Variants in CACNA2D2 observed in about 807,000 individuals in gnomAD.
CACNA2D2 encodes calcium voltage-gated channel auxiliary subunit alpha2delta 2.
A neutral mutation model predicts 166.4 loss-of-function variants in CACNA2D2; 48 were observed. The observed-to-expected ratio is 0.29, with a 90% CI of 0.23 to 0.37. CACNA2D2 has a LOEUF of 0.37. Ranked by LOEUF, CACNA2D2 falls within the 10% of genes least tolerant of loss-of-function variation. The probability of loss-of-function intolerance (pLI) is 1.00; values close to 1 mark genes in which losing one functional copy is unlikely to be tolerated. For missense variants in CACNA2D2, 1,122 were observed against 1,433.0 expected (o/e 0.78, Z 3.50); for synonymous variants, 561 against 573.7 (o/e 0.98, Z 0.32).
intron 2 of CACNA2D2, among the ~76,000 whole-genome samples, chr3:50,467,604 A>C (rs1709876506): frequency 6.6e-6 from 1 of 152,108 alleles, no homozygotes; most frequent in Admixed American, 6.5e-5. Context: ...CTGCCTCTCC[A>C]TCCAGACTGC....
At chr3:50,461,980 T>C (rs1158759099) in intron 2 of CACNA2D2, among the ~76,000 whole-genome samples, 1 of 152,096 alleles carries the variant, frequency 6.6e-6, no homozygotes, top group Non-Finnish European at 1.5e-5. Flanking sequence ...AGGACTTTCT[T>C]GGAAGGTAAA....
chr3:50,435,272 T>G (rs1029609551), intron 2 of CACNA2D2, among the ~76,000 whole-genome samples: 6 of 151,902 alleles, frequency 3.9e-5, no homozygotes, highest in Non-Finnish European at 5.9e-5. Flanking sequence ...GCAAGTGTCT[T>G]TGTTCACAGC....
At chr3:50,486,772 C>G (rs1350019534) in intron 1 of CACNA2D2, among the ~76,000 whole-genome samples, 2 of 152,216 alleles carry the variant, frequency 1.3e-5, no homozygotes, top group East Asian at 3.8e-4. Flanking sequence ...CATCATCAAG[C>G]TTCCTACAGA....
At chr3:50,466,539 C>T (rs1013786625) in intron 2 of CACNA2D2, among the ~76,000 whole-genome samples, 5 of 152,216 alleles carry the variant, frequency 3.3e-5, no homozygotes, top group African/African-American at 9.6e-5. Flanking sequence ...ATGTTACTTA[C>T]AGCACTGACG....
chr3:50,438,539 T>TG (rs761650894), intron 2 of CACNA2D2, among the ~76,000 whole-genome samples: 19 of 152,268 alleles, frequency 1.2e-4, no homozygotes, highest in Non-Finnish European at 2.1e-4. Flanking sequence ...CTTGCAGGAA[T>TG]GGTGACCTTG....
intron 6 of CACNA2D2, among the ~76,000 whole-genome samples, chr3:50,383,168 G>C (rs1308755577): frequency 6.6e-6 from 1 of 152,264 alleles, no homozygotes; most frequent in East Asian, 1.9e-4. Flanking sequence ...GTGCCTGCCT[G>C]TGATAGTGCC....
chr3:50,380,833 C>CT lies in CACNA2D2; in HGVS notation c.785-29dup. ...GAGGGAGGAGAGAAGGTGAGGGGGA[C>CT]TGGCAGGAAAGGGCTGGCCTGGGTA... On this transcript the variant is annotated intron_variant, in intron 7 of 37. Transcript: ENST00000424201. This position sits in a 1 kb window ranked among gnomAD's most constrained non-coding sequence, Gnocchi z 4.9. The CT allele has an allele frequency of 6.5e-7, 1 of 1,540,976 alleles. No individual in the cohort carries two copies. Among genetic ancestry groups the CT allele is most frequent in the African/African-American group, 1.4e-5 (1 of 72,566 alleles).
intron 3 of CACNA2D2, among the ~76,000 whole-genome samples, chr3:50,430,850 C>T (rs1485816818): frequency 2.0e-5 from 3 of 152,178 alleles, no homozygotes; most frequent in African/African-American, 4.8e-5. Flanking sequence ...AAGACAGGTA[C>T]CCCTCCATGT....
intron 2 of CACNA2D2, among the ~76,000 whole-genome samples, chr3:50,455,898 C>G (rs537411193): frequency 1.3e-5 from 2 of 152,170 alleles, no homozygotes; most frequent in African/African-American, 4.8e-5. Flanking sequence ...CATGCTCCCC[C>G]CATTCCTCTC....
intron 3 of CACNA2D2, among the ~76,000 whole-genome samples, chr3:50,397,124 G>A (rs1179333400): frequency 6.6e-6 from 1 of 152,194 alleles, no homozygotes; most frequent in Non-Finnish European, 1.5e-5. Flanking sequence ...CAGGGCAAGG[G>A]AGACCCAGGG....
intron 3 of CACNA2D2, among the ~76,000 whole-genome samples, chr3:50,409,071 T>C (rs1031309563): frequency 1.3e-5 from 2 of 152,130 alleles, no homozygotes; most frequent in Admixed American, 6.5e-5. Context: ...ACCCTTCTAG[T>C]GATGGATCCA....
At chr3:50,424,053 G>A (rs1240398472) in intron 3 of CACNA2D2, among the ~76,000 whole-genome samples, 4 of 152,254 alleles carry the variant, frequency 2.6e-5, no homozygotes, top group East Asian at 3.8e-4. Context: ...AGATCTGTGC[G>A]GCCATACCTG....
In CACNA2D2 at chr3:50,365,375, C is replaced by A. The variant is rs587631845; in HGVS notation, c.3079G>T (p.Asp1027Tyr). The change falls in exon 35 of 38, where the codon GAC becomes TAC. Residue 1027 changes from aspartate to tyrosine, a missense_variant. Coordinates refer to ENST00000424201, the MANE Select transcript of CACNA2D2 (RefSeq NM_006030.4). The surrounding 1 kb of genome is among the most constrained non-coding windows in gnomAD (Gnocchi z 4.5). ...SVNASYNAII[D>Y]CGNCSRLFHA... The stretch of plus-strand genomic sequence containing the variant: ...CAGCACCTGGAGCAGTTTCCGCAGT[C>A]GATGATGGCGTTGTAGGAGGCGTTT... 3 of 1,613,454 alleles carry A rather than the reference C, an allele frequency of 1.9e-6. No individual in the cohort carries two copies. The East Asian group carries it at 6.7e-5, about 36-fold the overall frequency.
chr3:50,367,443 G>A lies in CACNA2D2; in HGVS notation c.2352C>T (p.Arg784=), dbSNP rs1202464827. The change falls in exon 27 of 38, where the codon CGC becomes CGT. Residue 784 remains arginine, a synonymous_variant. Transcript: ENST00000424201. This position sits in a 1 kb window ranked among gnomAD's most constrained non-coding sequence, Gnocchi z 6.5. ...CATAACCGTGGTTATCCAGGCTGCG[G>A]CGGTAGAAGCTGGCATTGAAGGGCT... ...NPEPFNASFY[R]RSLDNHGYVF... 4.3e-6 allele frequency: 7 copies of A among 1,613,966 alleles called. No individual in the cohort carries two copies. The highest frequency in any genetic ancestry group is 5.1e-6 in the Non-Finnish European group (6 of 1,180,024).
At chr3:50,484,540 C>G (rs987124533) in intron 1 of CACNA2D2, among the ~76,000 whole-genome samples, 3 of 152,206 alleles carry the variant, frequency 2.0e-5, no homozygotes, top group African/African-American at 7.2e-5. Flanking sequence ...TCGGCACATG[C>G]TGTTCCCTCT....
chr3:50,429,640 G>A (rs1321052887), intron 3 of CACNA2D2, among the ~76,000 whole-genome samples: 3 of 148,900 alleles, frequency 2.0e-5, no homozygotes, highest in African/African-American at 7.4e-5. Context: ...CGTGGTGGCA[G>A]GCACCTGTAG....
chr3:50,372,445 A>G (rs1024320414), intron 22 of CACNA2D2, among the ~76,000 whole-genome samples: 2 of 152,260 alleles, frequency 1.3e-5, no homozygotes. Flanking sequence ...GTCAGTGCCC[A>G]GGAGGCGCGG....
chr3:50,431,154 G>T (rs1017659029), intron 3 of CACNA2D2, among the ~76,000 whole-genome samples: 1 of 152,134 alleles, frequency 6.6e-6, no homozygotes, highest in Admixed American at 6.6e-5. Context: ...ACAATGTAGT[G>T]GGGGGTGGGG....
rs980597491 is a variant in CACNA2D2 at position 50,366,647 on chromosome 3, C to T, written c.2590-22G>A. ...CGCACTGCTGGGCAGAGAGTGAGGA[C>T]CGTAAGCCACCCACCAGTTTTCCTC... is the stretch of plus-strand genomic sequence containing the variant. On this transcript the variant is annotated intron_variant, in intron 29 of 37. Coordinates refer to ENST00000424201, the MANE Select transcript of CACNA2D2 (RefSeq NM_006030.4). The surrounding 1 kb of genome is among the most constrained non-coding windows in gnomAD (Gnocchi z 5.9). The T allele has an allele frequency of 6.2e-7, 1 of 1,613,576 alleles. No individual in the cohort carries two copies. The highest frequency in any genetic ancestry group is 8.5e-7 in the Non-Finnish European group (1 of 1,179,844).
Sources: allele counts gnomAD v4.1 joint callset (sites outside exome capture counted in the v4.1 genomes callset), GRCh38; gene constraint gnomAD v4.1.1; non-coding constraint Gnocchi (gnomAD v3.1); transcripts MANE v1.5; gene names NCBI Gene and HGNC (gene_info 2026-07-23, HGNC 2026-07-21).